The following BPIFB1 variants were observed in gnomAD, a reference collection of about 807,000 sequenced individuals.
BPIFB1 encodes the protein BPI fold containing family B member 1.
A neutral mutation model predicts 55.1 loss-of-function variants in BPIFB1; 34 were observed. That is an observed-to-expected ratio of 0.62 (90% CI 0.47 to 0.82). The LOEUF (loss-of-function observed/expected upper bound fraction) is 0.82, where lower values mean the gene tolerates loss of function less well. Ranked by LOEUF, BPIFB1 falls within the 40% of genes least tolerant of loss-of-function variation. BPIFB1 has a pLI of 0.00. For missense variants in BPIFB1, 532 were observed against 593.1 expected (o/e 0.90, Z 1.07); for synonymous variants, 236 against 245.3 (o/e 0.96, Z 0.35).
At position 33,288,769 on chromosome 20, in the gene BPIFB1, C is replaced by A. The variant is rs150828161; in HGVS notation, c.144C>A (p.Asn48Lys). 9.3e-6 allele frequency: 15 copies of A among 1,613,974 alleles called. No homozygotes were observed. In the South Asian group the frequency reaches 1.5e-4, roughly 17 times the overall value. The change falls in exon 3 of 16, where the codon AAC becomes AAA. Residue 48 changes from asparagine to lysine, a missense_variant. Transcript: ENST00000253354. Reference protein sequence around the residue: ...EKLTQELKDHNATSILQQLPL... With the variant: ...EKLTQELKDHKATSILQQLPL... ...TGACACAGGAGCTGAAGGACCACAA[C>A]GCCACCAGCATCCTGCAGCAGCTGC...
intron 4 of BPIFB1, 64 bp downstream of exon 4, chr20:33,290,056 C>G: frequency 7.9e-7 from 1 of 1,270,496 alleles, no homozygotes; most frequent in Non-Finnish European, 1.1e-6. Flanking sequence ...CCCCCTCCCC[C>G]GCCCCCACCA....
intron 5 of BPIFB1, among the ~76,000 whole-genome samples, chr20:33,291,384 C>CCT: frequency 6.6e-6 from 1 of 152,306 alleles, no homozygotes; most frequent in South Asian, 2.1e-4. Context: ...CCTCCAAACA[C>CCT]CAGGGCAGGT....
At chr20:33,303,133 C>T in intron 11 of BPIFB1, 59 bp downstream of exon 11, 1 of 1,589,480 alleles carries the variant, frequency 6.3e-7, no homozygotes, top group Admixed American at 1.7e-5. Context: ...GTCTACTTTT[C>T]CTGTTCGCCC....
intron 8 of BPIFB1, 105 bp downstream of exon 8, chr20:33,300,089 C>A: frequency 1.0e-6 from 1 of 972,656 alleles, no homozygotes; most frequent in Non-Finnish European, 1.6e-6. Context: ...AAATCCTGGT[C>A]ACCATTAGGA....
chr20:33,289,218 TA>T (rs1275153566), intron 3 of BPIFB1, among the ~76,000 whole-genome samples: 4 of 151,766 alleles, frequency 2.6e-5, no homozygotes, highest in African/African-American at 9.7e-5. Flanking sequence ...CCATCTCTAC[TA>T]AAAATATAAA....
chr20:33,287,228 A>T lies in BPIFB1; in HGVS notation c.115+1040A>T, dbSNP rs115908808. 3.7e-3 allele frequency among the ~76,000 whole-genome samples: 564 copies of T among 152,338 alleles called. 5 individuals are homozygous for T. The highest frequency in any genetic ancestry group is 0.013 in the African/African-American group (543 of 41,570). On this transcript the variant is annotated intron_variant, in intron 2 of 15. Coordinates refer to ENST00000253354, the MANE Select transcript of BPIFB1 (RefSeq NM_033197.3). ...TAGGCTCTCCTATAAGGAGTTGTGT[A>T]CAAGTGGTTGGTTTTGAAGGTGACC...
intron 5 of BPIFB1, among the ~76,000 whole-genome samples, chr20:33,291,615 A>G (rs1012489225): frequency 6.6e-6 from 1 of 152,198 alleles, no homozygotes; most frequent in Admixed American, 6.5e-5. Flanking sequence ...GCCAAAAAAC[A>G]TGGCGCCCCC....
intron 15 of BPIFB1, chr20:33,308,069 T>C (rs1165891083): frequency 6.6e-6 from 1 of 152,142 alleles, no homozygotes; most frequent in Non-Finnish European, 1.5e-5. Flanking sequence ...CTTCCAATCA[T>C]AGCGGAAGGC....
At chr20:33,304,340 G>A (rs2146535400) in intron 12 of BPIFB1, among the ~76,000 whole-genome samples, 1 of 152,282 alleles carries the variant, frequency 6.6e-6, no homozygotes, top group East Asian at 1.9e-4. Context: ...CCTGCACCCT[G>A]CCTGTTCTCC....
intron 1 of BPIFB1, among the ~76,000 whole-genome samples, chr20:33,284,377 G>A (rs565574114): frequency 2.2e-4 from 33 of 152,096 alleles, no homozygotes; most frequent in African/African-American, 6.5e-4. Context: ...CAATTCTTTC[G>A]GGGCTTCCAG....
chr20:33,300,903 A>G (rs61695876), intron 8 of BPIFB1, among the ~76,000 whole-genome samples: 2,191 of 152,204 alleles, frequency 0.014, 40 homozygotes, highest in African/African-American at 0.051. Context: ...ACTAGTTTCT[A>G]TGGATCCTTT....
In BPIFB1 at chr20:33,286,020, G is replaced by A. The variant is rs1320328125; in HGVS notation, c.-41-13G>A. 19 of 1,568,546 alleles carry A rather than the reference G, an allele frequency of 1.2e-5. No individual in the cohort carries two copies. The highest frequency in any genetic ancestry group is 3.3e-5 in the Admixed American group (2 of 59,848). On this transcript the variant is annotated splice_polypyrimidine_tract_variant and intron_variant, in intron 1 of 15. Transcript: ENST00000253354. ...TGGCCCCTCTGCCTCAGGTCCCTCT[G>A]TGCTCACCCCAGGTCTGGCATCCTG...
At chr20:33,300,569 G>A (rs1200226461) in intron 8 of BPIFB1, among the ~76,000 whole-genome samples, 1 of 152,128 alleles carries the variant, frequency 6.6e-6, no homozygotes, top group Non-Finnish European at 1.5e-5. Flanking sequence ...CTGGTAGCAT[G>A]AATCCCAGAC....
Position 33,291,088 on chromosome 20 carries a change from G to A in BPIFB1, c.497G>A (p.Arg166His), listed in dbSNP as rs144813823. ...TGTGCCACCAGCCATGGGAGCCTGC[G>A]CATCCAACTGCTGCATAAGTGAGTG... ...SDCATSHGSL[R>H]IQLLHKLSFL... The change falls in exon 5 of 16, where the codon CGC becomes CAC. Residue 166 changes from arginine (R) to histidine (H), a missense_variant. Physicochemically the swap from Arg to His is conservative, Grantham distance 29 (BLOSUM62 0). Transcript: ENST00000253354. 2,500 of 1,611,738 alleles carry A rather than the reference G, an allele frequency of 1.6e-3. 24 individuals are homozygous for A. Among genetic ancestry groups the A allele is most frequent in the Middle Eastern group, 4.9e-4 (3 of 6,062 alleles).
intron 6 of BPIFB1, among the ~76,000 whole-genome samples, chr20:33,296,129 C>T (rs960895576): frequency 5.9e-5 from 9 of 152,184 alleles, no homozygotes; most frequent in Non-Finnish European, 1.0e-4. Context: ...TCAGAAGTAA[C>T]TGGTCTGGGT....
At chr20:33,301,916 CGGGGAAATTGAGGTCCAGAG>C (rs1452789172) in intron 9 of BPIFB1, among the ~76,000 whole-genome samples, 4 of 151,978 alleles carry the variant, frequency 2.6e-5, no homozygotes, top group African/African-American at 9.7e-5. Flanking sequence ...GGGTGACTGA[CGGGGAAATTGAGGTCCAGAG>C]GGGGAAAGGG....
At chr20:33,283,425 C>T (rs1383182181) in intron 1 of BPIFB1, among the ~76,000 whole-genome samples, 171 bp downstream of exon 1, 2 of 152,158 alleles carry the variant, frequency 1.3e-5, no homozygotes, top group African/African-American at 4.8e-5. Flanking sequence ...GCCCAGCTCC[C>T]TCGCCCAGAG....
intron 8 of BPIFB1, among the ~76,000 whole-genome samples, chr20:33,300,776 T>C (rs534267358): frequency 6.6e-6 from 1 of 152,142 alleles, no homozygotes; most frequent in Non-Finnish European, 1.5e-5. Flanking sequence ...TTTGTAAAGA[T>C]GGGGTTCCGC....
In BPIFB1 at chr20:33,286,057, C is replaced by G. The variant is rs763561469; in HGVS notation, c.-17C>G. The G allele has an allele frequency of 6.2e-7, 1 of 1,613,256 alleles. No homozygotes were observed. Among genetic ancestry groups the G allele is most frequent in the South Asian group, 1.1e-5 (1 of 91,046 alleles). ...GGTCTGGCATCCTGCACTTGCTGCC[C>G]TCTGACACCTGGGAAGATGGCCGGC... On this transcript the variant is annotated 5_prime_UTR_variant, in exon 2 of 16. Transcript: ENST00000253354.
Sources: gnomAD v4.1 joint callset for allele counts (sites outside exome capture counted in the v4.1 genomes callset) on GRCh38, gnomAD v4.1.1 for gene constraint, MANE v1.5 for transcripts, NCBI Gene and HGNC (gene_info 2026-07-23, HGNC 2026-07-21) for gene names.